Variants in PCYT1B observed in about 807,000 individuals in gnomAD.
PCYT1B encodes the protein phosphate cytidylyltransferase 1B, choline, also known as choline-phosphate cytidylyltransferase B.
Under a neutral mutation model 26.4 loss-of-function variants are expected in PCYT1B, and 10 were observed. The ratio of observed to expected loss-of-function variants is 0.38; its 90% CI spans 0.23 to 0.64. The LOEUF is 0.64. PCYT1B is among the 30% of genes least tolerant of loss of function. The pLI, the probability that PCYT1B is intolerant of heterozygous loss-of-function variation, is 0.56. For missense variants in PCYT1B, 161 were observed against 292.7 expected (o/e 0.55, Z 3.28); for synonymous variants, 131 against 108.4 (o/e 1.21, Z -1.29).
intron 1 of PCYT1B, among the ~76,000 whole-genome samples, chrX:24,630,400 A>G (rs921220043): frequency 9.0e-6 from 1 of 111,074 alleles, no homozygotes; most frequent in Non-Finnish European, 1.9e-5. Context: ...AGTTCACGCC[A>G]TTCTCCTGCC....
At chrX:24,641,003 G>A (rs751029703) in intron 1 of PCYT1B, among the ~76,000 whole-genome samples, 1 of 111,582 alleles carries the variant, frequency 9.0e-6, no homozygotes, top group Non-Finnish European at 1.9e-5. Flanking sequence ...GGATGATCTC[G>A]GCTCACTGCA....
intron 6 of PCYT1B, among the ~76,000 whole-genome samples, chrX:24,576,650 G>A (rs12851930): frequency 6.3e-5 from 7 of 110,428 alleles, no homozygotes; most frequent in Non-Finnish European, 1.1e-4. Flanking sequence ...GCAAAACTGG[G>A]TAAAGAGTCC....
At chrX:24,636,800 T>G (rs1221312655) in intron 1 of PCYT1B, among the ~76,000 whole-genome samples, 1 of 112,103 alleles carries the variant, frequency 8.9e-6, no homozygotes, top group African/African-American at 3.2e-5. Context: ...TGAAATCATG[T>G]GGCGCATATT....
intron 1 of PCYT1B, among the ~76,000 whole-genome samples, chrX:24,670,446 C>T (rs970353689): frequency 2.7e-5 from 3 of 112,204 alleles, no homozygotes; most frequent in Non-Finnish European, 5.6e-5. Flanking sequence ...GGTCGTGTGT[C>T]AGCTTGGGTG....
chrX:24,668,033 C>T (rs1252461636), intron 1 of PCYT1B, among the ~76,000 whole-genome samples: 2 of 112,152 alleles, frequency 1.8e-5, no homozygotes, highest in Admixed American at 1.9e-4. Flanking sequence ...AGACCAGTCC[C>T]AGCAAGCTGT....
intron 1 of PCYT1B, among the ~76,000 whole-genome samples, chrX:24,645,868 C>A (rs1381784630): frequency 8.9e-6 from 1 of 111,860 alleles, no homozygotes; most frequent in Non-Finnish European, 1.9e-5. Context: ...CTCCTTTGAA[C>A]CCTTATTAAC....
chrX:24,601,479 C>T (rs1222149120), intron 3 of PCYT1B, among the ~76,000 whole-genome samples: 1 of 95,565 alleles, frequency 1.0e-5, no homozygotes, highest in Non-Finnish European at 2.0e-5. Context: ...GGCAACAGAG[C>T]GAAACTCTTT....
intron 7 of PCYT1B, among the ~76,000 whole-genome samples, chrX:24,571,004 C>T (rs1308158173): frequency 4.5e-5 from 5 of 112,029 alleles, no homozygotes; most frequent in Non-Finnish European, 9.4e-5. Flanking sequence ...TCCATCCTAC[C>T]GCCTACCAAC....
At chrX:24,563,224 G>T (rs949273738) in intron 7 of PCYT1B, among the ~76,000 whole-genome samples, 2 of 111,901 alleles carry the variant, frequency 1.8e-5, no homozygotes, top group Non-Finnish European at 3.8e-5. Context: ...ATGTCAGATG[G>T]ATCTGTGGTC....
intron 7 of PCYT1B, among the ~76,000 whole-genome samples, chrX:24,570,646 A>G (rs1009035818): frequency 2.7e-5 from 3 of 111,355 alleles, no homozygotes; most frequent in African/African-American, 6.5e-5. Context: ...AGAGACTGTG[A>G]GATAATAAAT....
intron 1 of PCYT1B, among the ~76,000 whole-genome samples, chrX:24,672,367 G>C (rs1927272931): frequency 9.0e-6 from 1 of 111,691 alleles, no homozygotes; most frequent in Non-Finnish European, 1.9e-5. Flanking sequence ...TACTCTGCAA[G>C]GGGATAAAGA....
intron 3 of PCYT1B, among the ~76,000 whole-genome samples, chrX:24,598,592 A>T (rs1290068691): frequency 1.8e-5 from 2 of 111,592 alleles, no homozygotes; most frequent in Non-Finnish European, 3.8e-5. Context: ...TAAATATCAC[A>T]TAATTTTATG....
chrX:24,664,748 A>G (rs1417219095), intron 1 of PCYT1B, among the ~76,000 whole-genome samples: 3 of 112,129 alleles, frequency 2.7e-5, no homozygotes, highest in Non-Finnish European at 5.6e-5. Flanking sequence ...ACTTGAGGTC[A>G]GGAGTTTGAG....
chrX:24,562,491 C>T lies in PCYT1B; in HGVS notation c.912G>A (p.Gln304=), dbSNP rs111290720. 49 of 1,199,167 alleles carry T rather than the reference C, an allele frequency of 4.1e-5. No homozygotes were observed. The African/African-American group carries it at 4.4e-4, about 11-fold the overall frequency. The part of the protein sequence containing the change: ...GPDGAWKQMF[Q]ERSSRMLQAL... ...CCTGCAGCATCCGGCTGCTCCTCTCCTGGAACATCTGCTTCTAAAGATAAA... is the reference window on the plus strand; with the variant it reads ...CCTGCAGCATCCGGCTGCTCCTCTCTTGGAACATCTGCTTCTAAAGATAAA... The change falls in exon 8 of 8, where the codon CAG becomes CAA. Residue 304 remains glutamine (Q), a synonymous_variant. Coordinates refer to ENST00000379144, the MANE Select transcript of PCYT1B (RefSeq NM_004845.5).
intron 7 of PCYT1B, among the ~76,000 whole-genome samples, chrX:24,563,128 G>A (rs1019804766): frequency 9.0e-5 from 10 of 111,288 alleles, no homozygotes; most frequent in South Asian, 3.8e-4. Flanking sequence ...CATGACCTAC[G>A]GACTGGAGGG....
chrX:24,562,369 G>C lies in PCYT1B; in HGVS notation c.1034C>G (p.Thr345Ser). ...SPTFSWLPLK[T>S]SPPSSPKAAS... is the part of the protein sequence containing the mutation. ...TGCTTTGGGTGAGGAAGGGGGTGAG[G>C]TTTTGAGTGGAAGCCATGAGAAGGT... The change falls in exon 8 of 8, where the codon ACC (threonine) becomes AGC (serine). Residue 345 changes from threonine (T) to serine (S), a missense_variant. Around this residue, in one of 4 missense-constraint regions of PCYT1B, gnomAD observed 38 missense variants for 55.9 expected, o/e 0.68. Coordinates refer to ENST00000379144, the MANE Select transcript of PCYT1B (RefSeq NM_004845.5). 1 of 1,181,128 alleles carries C rather than the reference G, an allele frequency of 8.5e-7. No homozygotes were observed. Among genetic ancestry groups the C allele is most frequent in the East Asian group, 3.0e-5 (1 of 33,608 alleles).
chrX:24,651,211 A>C (rs988483604), upstream of PCYT1B, among the ~76,000 whole-genome samples: 2 of 109,309 alleles, frequency 1.8e-5, no homozygotes, highest in Non-Finnish European at 3.8e-5. Context: ...TAATCCCAGC[A>C]CTTTGGGAGG....
intron 7 of PCYT1B, among the ~76,000 whole-genome samples, chrX:24,574,027 T>C (rs1235996880): frequency 9.0e-6 from 1 of 111,428 alleles, no homozygotes; most frequent in East Asian, 2.8e-4. Flanking sequence ...TCTTTTTCTA[T>C]TACTAATTGA....
chrX:24,570,059 C>T (rs1037048062), intron 7 of PCYT1B, among the ~76,000 whole-genome samples: 3 of 106,598 alleles, frequency 2.8e-5, no homozygotes, highest in African/African-American at 6.8e-5. Flanking sequence ...TGGTGGCGCA[C>T]GCCTGTAATT....
Sources: allele counts gnomAD v4.1 joint callset (sites outside exome capture counted in the v4.1 genomes callset), GRCh38; gene constraint gnomAD v4.1.1; regional missense constraint gnomAD v4.1.1; transcripts MANE v1.5; gene names NCBI Gene and HGNC (gene_info 2026-07-23, HGNC 2026-07-21).